Variants in SOX6 observed in about 807,000 individuals in gnomAD.
SOX6 encodes the protein SRY-box transcription factor 6, also known as transcription factor SOX-6.
Under a neutral mutation model 97.8 loss-of-function variants are expected in SOX6, and 11 were observed. The ratio of observed to expected loss-of-function variants is 0.11; its 90% CI spans 0.07 to 0.19. The LOEUF (loss-of-function observed/expected upper bound fraction) is 0.19. Ranked by LOEUF, SOX6 falls within the 10% of genes least tolerant of loss-of-function variation. The pLI, the probability that SOX6 is intolerant of heterozygous loss-of-function variation, is 1.00. For synonymous variants in SOX6, 360 were observed against 371.4 expected (o/e 0.97, Z 0.35); for missense variants, 810 against 1,039.5 (o/e 0.78, Z 3.04).
intron 4 of SOX6, among the ~76,000 whole-genome samples, chr11:16,495,805 C>T (rs112546015): frequency 0.015 from 2,293 of 152,186 alleles, 62 homozygotes; most frequent in African/African-American, 0.053. Context: ...AACACCAGTG[C>T]CAATGTATGA....
At chr11:16,321,119 T>C (rs970584582) in intron 2 of SOX6, among the ~76,000 whole-genome samples, 3 of 152,162 alleles carry the variant, frequency 2.0e-5, no homozygotes, top group African/African-American at 7.2e-5. Context: ...AATGCAGAGA[T>C]ATATTTGTCA....
At position 16,111,906 on chromosome 11, in the gene SOX6, A is replaced by C; in HGVS notation, c.795T>G (p.Pro265=). ...GTGGAAAAATTGGGATCATGAGCGGAGGCATGTGACCCTGAACCTGCTAAA... is the reference window on the plus strand; with the variant it reads ...GTGGAAAAATTGGGATCATGAGCGGCGGCATGTGACCCTGAACCTGCTAAA... The part of the protein sequence containing the change: ...QQQIQVQGHM[P]PLMIPIFPHD... Residue 265 remains proline (P), a synonymous_variant, in exon 7 of 16, where the codon CCT becomes CCG. Coordinates refer to ENST00000683767, the MANE Select transcript of SOX6 (RefSeq NM_001367873.1). 1.2e-6 allele frequency: 2 copies of C among 1,612,394 alleles called. No homozygotes were observed. Among genetic ancestry groups the C allele is most frequent in the African/African-American group, 1.3e-5 (1 of 74,982 alleles).
At chr11:16,026,758 T>G (rs1170114286) in intron 12 of SOX6, among the ~76,000 whole-genome samples, 1 of 152,166 alleles carries the variant, frequency 6.6e-6, no homozygotes, top group Admixed American at 6.5e-5. Flanking sequence ...CAGGACTATG[T>G]CTGATTGTGG....
chr11:16,652,651 C>A (rs141366170), intron 3 of SOX6, among the ~76,000 whole-genome samples: 1,696 of 152,116 alleles, frequency 0.011, 23 homozygotes, highest in African/African-American at 0.039. Context: ...ACCTGAAACC[C>A]TAAAAATTCT....
At chr11:16,125,451 A>G (rs1323876490) in intron 6 of SOX6, among the ~76,000 whole-genome samples, 2 of 152,134 alleles carry the variant, frequency 1.3e-5, no homozygotes, top group East Asian at 1.9e-4. Flanking sequence ...ATCGATATAT[A>G]CAAACTGGCT....
chr11:16,299,379 A>C (rs928913845), intron 3 of SOX6, among the ~76,000 whole-genome samples: 4 of 152,144 alleles, frequency 2.6e-5, no homozygotes, highest in Non-Finnish European at 5.9e-5. Flanking sequence ...AATGTTAGAA[A>C]ATTAGCTTGA....
intron 4 of SOX6, among the ~76,000 whole-genome samples, chr11:16,540,847 C>A (rs1040402861): frequency 6.6e-6 from 1 of 152,188 alleles, no homozygotes; most frequent in Non-Finnish European, 1.5e-5. Flanking sequence ...GAAGAACACT[C>A]CATGCTCATG....
At position 16,300,259 on chromosome 11, in the gene SOX6, A is replaced by T. The variant is rs1176340499; in HGVS notation, c.445+18187T>A. On this transcript the variant is annotated intron_variant, in intron 3 of 15. Transcript: ENST00000683767. This position sits in a 1 kb window ranked among gnomAD's most constrained non-coding sequence, Gnocchi z 4.1. ...CCAAATACTGAGCTGAGCAGGGATTAAAAAAAAGGACTTATACAAATGGAG... is the reference window on the plus strand; with the variant it reads ...CCAAATACTGAGCTGAGCAGGGATTTAAAAAAAGGACTTATACAAATGGAG... Among the ~76,000 whole-genome samples, 2 of 151,958 alleles carry T rather than the reference A, an allele frequency of 1.3e-5. No individual in the cohort carries two copies. Among genetic ancestry groups the T allele is most frequent in the Admixed American group, 6.6e-5 (1 of 15,248 alleles).
intron 2 of SOX6, among the ~76,000 whole-genome samples, chr11:16,733,228 T>C (rs1196673724): frequency 6.6e-6 from 1 of 152,224 alleles, no homozygotes; most frequent in Non-Finnish European, 1.5e-5. Flanking sequence ...CATTACTGGG[T>C]ATACACCCAA....
intron 1 of SOX6, among the ~76,000 whole-genome samples, chr11:16,402,368 G>A (rs1858583175): frequency 6.6e-6 from 1 of 151,656 alleles, no homozygotes; most frequent in African/African-American, 2.4e-5. Context: ...TTTATTCAGT[G>A]TGCATTTGAA....
chr11:16,505,519 C>T (rs1860771552), intron 4 of SOX6, among the ~76,000 whole-genome samples: 1 of 151,986 alleles, frequency 6.6e-6, no homozygotes. Context: ...TGCAGCCTGG[C>T]CATGTGGTAG....
intron 13 of SOX6, among the ~76,000 whole-genome samples, chr11:15,995,032 G>A (rs975397294): frequency 3.3e-5 from 5 of 152,170 alleles, no homozygotes; most frequent in Non-Finnish European, 7.3e-5. Context: ...CAAATAGAAA[G>A]TCAGTTTAAT....
chr11:16,268,278 T>C (rs1212718646), intron 3 of SOX6, among the ~76,000 whole-genome samples: 1 of 151,220 alleles, frequency 6.6e-6, no homozygotes, highest in African/African-American at 2.4e-5. Context: ...AAAATCATCA[T>C]ATCATCATGT....
At chr11:16,056,227 C>T (rs1847813047) in intron 9 of SOX6, among the ~76,000 whole-genome samples, 1 of 151,536 alleles carries the variant, frequency 6.6e-6, no homozygotes, top group African/African-American at 2.4e-5. Flanking sequence ...TTTTTAATGC[C>T]TAAAATCTTT....
chr11:16,046,937 C>A (rs1305814926), intron 11 of SOX6, among the ~76,000 whole-genome samples: 1 of 152,168 alleles, frequency 6.6e-6, no homozygotes, highest in Non-Finnish European at 1.5e-5. Context: ...TGGATTCTGT[C>A]TACTCACCTC....
chr11:16,068,543 G>A (rs575165834), intron 9 of SOX6, among the ~76,000 whole-genome samples: 1 of 151,898 alleles, frequency 6.6e-6, no homozygotes, highest in Non-Finnish European at 1.5e-5. Flanking sequence ...CTTTTTTTCA[G>A]CATAGAAGGT....
intron 4 of SOX6, among the ~76,000 whole-genome samples, chr11:16,495,257 G>T (rs1173950938): frequency 6.6e-6 from 1 of 152,112 alleles, no homozygotes; most frequent in Non-Finnish European, 1.5e-5. Context: ...ACCACTGAAA[G>T]CACCTCCACA....
At chr11:16,538,367 A>G (rs1228446709) in intron 4 of SOX6, among the ~76,000 whole-genome samples, 1 of 152,220 alleles carries the variant, frequency 6.6e-6, no homozygotes, top group Non-Finnish European at 1.5e-5. Flanking sequence ...ACCACTGCAA[A>G]AACATTCCAA....
chr11:16,456,455 CAACCAAGGA>C (rs1859811810), intron 1 of SOX6, among the ~76,000 whole-genome samples: 1 of 152,064 alleles, frequency 6.6e-6, no homozygotes, highest in Non-Finnish European at 1.5e-5. Context: ...AGATGACTCT[CAACCAAGGA>C]AACCACTATT....
Sources: gnomAD v4.1 joint callset for allele counts (sites outside exome capture counted in the v4.1 genomes callset) on GRCh38, gnomAD v4.1.1 for gene constraint, Gnocchi (gnomAD v3.1) non-coding constraint, MANE v1.5 for transcripts, NCBI Gene and HGNC (gene_info 2026-07-23, HGNC 2026-07-21) for gene names.